The following TDRD7 variants were observed in gnomAD, a reference collection of about 807,000 sequenced individuals.
TDRD7 encodes tudor domain-containing protein 7.
A neutral mutation model predicts 109.8 loss-of-function variants in TDRD7; 47 were observed. The ratio of observed to expected loss-of-function variants is 0.43; its 90% CI spans 0.34 to 0.55. TDRD7 has a LOEUF of 0.55. Among genes scored for constraint, TDRD7 ranks in the 20% least tolerant of loss-of-function variants. The probability of loss-of-function intolerance (pLI) is 0.03; values close to 1 mark genes in which losing one functional copy is unlikely to be tolerated. For missense variants in TDRD7, 1,164 were observed against 1,319.2 expected (o/e 0.88, Z 1.82); for synonymous variants, 424 against 457.3 (o/e 0.93, Z 0.93).
intron 6 of TDRD7, among the ~76,000 whole-genome samples, chr9:97,446,232 A>G (rs990101479): frequency 6.6e-6 from 1 of 152,168 alleles, no homozygotes; most frequent in Non-Finnish European, 1.5e-5. Context: ...TACATTAGCC[A>G]GAATATCTGT....
At chr9:97,423,575 A>G (rs923938842) in intron 1 of TDRD7, among the ~76,000 whole-genome samples, 8 of 150,456 alleles carry the variant, frequency 5.3e-5, no homozygotes, top group African/African-American at 1.0e-4. Flanking sequence ...TACTTTTGAT[A>G]TAAATTTCTC....
intron 4 of TDRD7, among the ~76,000 whole-genome samples, chr9:97,432,787 C>G (rs900639409): frequency 6.6e-6 from 1 of 152,176 alleles, no homozygotes; most frequent in Admixed American, 6.5e-5. Context: ...ACGAGATGAT[C>G]TCAAAGTTCC....
intron 1 of TDRD7, among the ~76,000 whole-genome samples, chr9:97,427,480 C>T (rs531392390): frequency 2.0e-4 from 31 of 152,280 alleles, no homozygotes; most frequent in African/African-American, 7.2e-4. Context: ...TCAAGTACCC[C>T]ATATAAGTCA....
intron 1 of TDRD7, among the ~76,000 whole-genome samples, chr9:97,424,907 T>G (rs1007540246): frequency 6.6e-6 from 1 of 152,080 alleles, no homozygotes; most frequent in Non-Finnish European, 1.5e-5. Context: ...AGGTATTGTC[T>G]TATTACATTT....
chr9:97,454,199 G>A (rs558886816), intron 6 of TDRD7, among the ~76,000 whole-genome samples: 14 of 152,274 alleles, frequency 9.2e-5, no homozygotes, highest in South Asian at 4.1e-4. Flanking sequence ...AAACAGTCTC[G>A]GCTGGGTGTG....
rs148825842 is a variant in TDRD7, at chr9:97,475,463, A to C, written c.2160A>C (p.Arg720=). Residue 720 remains arginine (R), a synonymous_variant, in exon 12 of 17, where the codon CGA becomes CGC. Transcript: ENST00000355295. Reference sequence around the variant, plus strand: ...TCCATTGCAAAGGAAAATGGTTACGAGTAGAGGTAAAAATCAGTCACTTGG... The same window carrying C: ...TCCATTGCAAAGGAAAATGGTTACGCGTAGAGGTAAAAATCAGTCACTTGG... The part of the protein sequence containing the change: ...CLFHCKGKWL[R]VEITNVHSSR... The C allele has an allele frequency of 4.5e-5, 72 of 1,610,738 alleles. No individual in the cohort carries two copies. The South Asian group carries it at 5.3e-4, about 12-fold the overall frequency.
chr9:97,424,128 A>T (rs910960409), intron 1 of TDRD7, among the ~76,000 whole-genome samples: 1 of 130,938 alleles, frequency 7.6e-6, no homozygotes, highest in African/African-American at 3.0e-5. Flanking sequence ...ATTTTGGCTC[A>T]CTGCAACCTC....
intron 6 of TDRD7, among the ~76,000 whole-genome samples, chr9:97,443,210 G>A (rs932970238): frequency 7.2e-5 from 11 of 152,124 alleles, no homozygotes; most frequent in African/African-American, 2.7e-4. Flanking sequence ...TATTTACTGT[G>A]CACTTGCATG....
rs1176496605 is a variant in TDRD7 at position 97,412,416 on chromosome 9, G to A, written c.-7+178G>A. Reference sequence around the variant, plus strand: ...GGGATTGCCCCCGCCCCGACGCCTGGGAACCGGGCTGGGCGCCGGGGGAGT... The same window carrying A: ...GGGATTGCCCCCGCCCCGACGCCTGAGAACCGGGCTGGGCGCCGGGGGAGT... On this transcript the variant is annotated intron_variant, in intron 1 of 16. Coordinates refer to ENST00000355295, the MANE Select transcript of TDRD7 (RefSeq NM_014290.3). The surrounding 1 kb of genome is among the most constrained non-coding windows in gnomAD (Gnocchi z 4.3). Among the ~76,000 whole-genome samples, 1 of 152,198 alleles carries A rather than the reference G, an allele frequency of 6.6e-6. No homozygotes were observed. The highest frequency in any genetic ancestry group is 1.5e-5 in the Non-Finnish European group (1 of 68,014).
intron 16 of TDRD7, among the ~76,000 whole-genome samples, chr9:97,488,691 C>T (rs1829254017): frequency 6.6e-6 from 1 of 151,454 alleles, no homozygotes; most frequent in South Asian, 2.1e-4. Flanking sequence ...GTACCATCAT[C>T]CCCATCACCA....
At position 97,460,576 on chromosome 9, in the gene TDRD7, G is replaced by A; in HGVS notation, c.1254G>A (p.Gly418=). The A allele has an allele frequency of 6.2e-7, 1 of 1,614,186 alleles. No homozygotes were observed. The highest frequency in any genetic ancestry group is 8.5e-7 in the Non-Finnish European group (1 of 1,180,026). The stretch of plus-strand genomic sequence containing the variant: ...CTGACAAAATCCAAAAGGATGCAGG[G>A]CAAGCACATGGTGATAATGATATCA... ...LPTDKIQKDA[G]QAHGDNDIKA... is the part of the protein sequence containing the mutation. Residue 418 remains glycine, a synonymous_variant, in exon 7 of 17, where the codon GGG becomes GGA. Transcript: ENST00000355295.
intron 16 of TDRD7, among the ~76,000 whole-genome samples, chr9:97,494,431 C>A (rs1342256277): frequency 6.6e-6 from 1 of 152,158 alleles, no homozygotes; most frequent in Admixed American, 6.5e-5. Context: ...CATCTTTTAC[C>A]TTACCAATGG....
At chr9:97,416,996 C>T (rs945255428) in intron 1 of TDRD7, among the ~76,000 whole-genome samples, 1 of 151,998 alleles carries the variant, frequency 6.6e-6, no homozygotes, top group African/African-American at 2.4e-5. Context: ...GGGAAGCTGG[C>T]ATCTCAGTTT....
In TDRD7 at chr9:97,464,939, G is replaced by A. The variant is rs1439120279; in HGVS notation, c.1540G>A (p.Val514Met). ...KNPKITPVQA[V>M]NVGQLLAVNA... ...TCCTAAGATCACACCAGTCCAGGCT[G>A]TGAATGTTGGGCAGTTGCTGGCCGT... The change falls in exon 8 of 17, where the codon GTG (valine) becomes ATG (methionine). Residue 514 changes from valine (V) to methionine (M), a missense_variant. This residue lies in a region of TDRD7 where 261 missense variants were observed against 336.2 expected (regional missense o/e 0.78). Coordinates refer to ENST00000355295, the MANE Select transcript of TDRD7 (RefSeq NM_014290.3). 5 of 1,614,198 alleles carry A rather than the reference G, an allele frequency of 3.1e-6. No homozygotes were observed. The South Asian group carries it at 4.4e-5, about 14-fold the overall frequency.
intron 11 of TDRD7, among the ~76,000 whole-genome samples, chr9:97,474,392 A>G (rs1828975492): frequency 6.6e-6 from 1 of 151,942 alleles, no homozygotes; most frequent in Non-Finnish European, 1.5e-5. Flanking sequence ...ACCTCAGGGC[A>G]TTCATATTCA....
intron 14 of TDRD7, 140 bp downstream of exon 14, chr9:97,481,078 T>C: frequency 2.7e-6 from 2 of 738,352 alleles, no homozygotes; most frequent in Non-Finnish European, 4.9e-6. Flanking sequence ...TTCAGCAAAT[T>C]GGCTACATGT....
chr9:97,454,334 G>C (rs1251853512), intron 6 of TDRD7, among the ~76,000 whole-genome samples: 1 of 152,084 alleles, frequency 6.6e-6, no homozygotes, highest in African/African-American at 2.4e-5. Flanking sequence ...CAAAAAATTA[G>C]CCGGGTGTGG....
At chr9:97,451,982 G>C (rs538928110) in intron 6 of TDRD7, among the ~76,000 whole-genome samples, 1 of 152,326 alleles carries the variant, frequency 6.6e-6, no homozygotes, top group South Asian at 2.1e-4. Flanking sequence ...AACTGAAAAA[G>C]AATTATATTT....
At position 97,430,489 on chromosome 9, in the gene TDRD7, T is replaced by C. The variant is rs530122807; in HGVS notation, c.208-444T>C. Among the ~76,000 whole-genome samples the C allele has an allele frequency of 8.3e-4, 126 of 152,344 alleles. 1 individual carries two copies. Among genetic ancestry groups the C allele is most frequent in the South Asian group, 1.9e-3 (9 of 4,834 alleles). On this transcript the variant is annotated intron_variant, in intron 2 of 16. Coordinates refer to ENST00000355295, the MANE Select transcript of TDRD7 (RefSeq NM_014290.3). ...AGTCTTGTATTCAACATAGTAGTTA[T>C]GAGTACATACTTTGGACTCAAAGAG...
Sources: gnomAD v4.1 joint callset for allele counts (sites outside exome capture counted in the v4.1 genomes callset) on GRCh38, gnomAD v4.1.1 for gene constraint, gnomAD v4.1.1 regional missense constraint, Gnocchi (gnomAD v3.1) non-coding constraint, MANE v1.5 for transcripts, NCBI Gene and HGNC (gene_info 2026-07-23, HGNC 2026-07-21) for gene names.